JPT1: variants seen among roughly 807,000 people sequenced by gnomAD.
JPT1 encodes the protein androgen-regulated protein 2.
A neutral mutation model predicts 17.0 loss-of-function variants in JPT1; 5 were observed. The observed-to-expected ratio is 0.29, with a 90% CI of 0.15 to 0.62. JPT1 has a LOEUF of 0.62. Ranked by LOEUF, JPT1 falls within the 20% of genes least tolerant of loss-of-function variation. JPT1 has a pLI of 0.85. For synonymous variants in JPT1, 71 were observed against 73.6 expected (o/e 0.96, Z 0.18); for missense variants, 158 against 188.1 (o/e 0.84, Z 0.94).
At chr17:75,146,751 G>C in intron 3 of JPT1, 67 bp from the exon 4 acceptor site, 1 of 953,884 alleles carries the variant, frequency 1.0e-6, no homozygotes, top group East Asian at 2.6e-5. Context: ...AACAGTCATA[G>C]TTCATAGCAG....
At chr17:75,142,588 AG>A (rs2074337885) in intron 4 of JPT1, among the ~76,000 whole-genome samples, 1 of 40,442 alleles carries the variant, frequency 2.5e-5, no homozygotes. Context: ...AGGGAGGGAG[AG>A]GGAGGGAGGG....
chr17:75,154,486 C>G lies in JPT1; in HGVS notation c.-89G>C, dbSNP rs2074605598. ...CGCTGGGAAACTCCACACCCAACAG[C>G]CGACCACCGCTGCAGGAGCCGCCGC... On this transcript the variant is annotated 5_prime_UTR_variant, in exon 1 of 5. Coordinates refer to ENST00000409753, the MANE Select transcript of JPT1 (RefSeq NM_016185.4). 7 of 1,259,482 alleles carry G rather than the reference C, an allele frequency of 5.6e-6. No individual in the cohort carries two copies. In the Admixed American group the frequency reaches 1.1e-4, roughly 20 times the overall value. The allele number at this position is 1,259,482 out of a possible 1,614,324, so 78.0% of individuals were successfully genotyped here. A position where few individuals can be genotyped will look rare whatever the true frequency, so the allele number is the denominator to read the frequency against.
chr17:75,150,622 A>G (rs1418221728), intron 1 of JPT1, among the ~76,000 whole-genome samples: 1 of 152,084 alleles, frequency 6.6e-6, no homozygotes, highest in Non-Finnish European at 1.5e-5. Context: ...TCCTGACCTC[A>G]GGTGATCCGC....
intron 4 of JPT1, among the ~76,000 whole-genome samples, chr17:75,144,355 GAAA>G (rs918744179): frequency 6.6e-6 from 1 of 151,272 alleles, no homozygotes; most frequent in South Asian, 2.1e-4. Flanking sequence ...TACAAAAAAA[GAAA>G]AAAAATTAGC....
At chr17:75,144,065 A>C (rs1442502454) in intron 4 of JPT1, among the ~76,000 whole-genome samples, 1 of 152,048 alleles carries the variant, frequency 6.6e-6, no homozygotes, top group Non-Finnish European at 1.5e-5. Flanking sequence ...CTTCTGGATA[A>C]CTGAACATGT....
At chr17:75,142,132 T>C (rs1301599805) in intron 4 of JPT1, among the ~76,000 whole-genome samples, 1 of 152,182 alleles carries the variant, frequency 6.6e-6, no homozygotes, top group African/African-American at 2.4e-5. Flanking sequence ...GTGGTAGGAC[T>C]ATTGACACAT....
intron 1 of JPT1, chr17:75,149,200 T>A (rs1023539466): frequency 2.3e-5 from 10 of 438,306 alleles, no homozygotes; most frequent in Non-Finnish European, 3.9e-5. Flanking sequence ...AAAAAAAAAA[T>A]TAAAAATTAG....
intron 1 of JPT1, 77 bp from the exon 2 acceptor site, chr17:75,148,748 A>C: frequency 1.3e-6 from 2 of 1,536,720 alleles, no homozygotes; most frequent in South Asian, 2.4e-5. Context: ...GACAACTTTC[A>C]TTTCACTTTC....
Position 75,146,660 on chromosome 17 carries a change from A to G in JPT1, c.316+6T>C. On this transcript the variant is annotated splice_donor_region_variant and intron_variant, in intron 4 of 4. Transcript: ENST00000409753. ...AGCCAGAAATTTGGTCTTCAGAAGT[A>G]CTTACCATGAATATCACCTTCTCCC... 1.3e-6 allele frequency: 2 copies of G among 1,539,612 alleles called. No individual in the cohort carries two copies. The highest frequency in any genetic ancestry group is 2.4e-5 in the South Asian group (2 of 83,936).
chr17:75,144,624 G>T (rs976823329), intron 4 of JPT1, among the ~76,000 whole-genome samples: 1 of 152,120 alleles, frequency 6.6e-6, no homozygotes, highest in Non-Finnish European at 1.5e-5. Flanking sequence ...CCATAGAAGG[G>T]GTCACAGGAA....
chr17:75,149,862 T>TAC (rs58993126), intron 1 of JPT1, among the ~76,000 whole-genome samples: 92,630 of 147,456 alleles, frequency 0.63, 31,822 homozygotes, highest in East Asian at 0.89. Flanking sequence ...CTTACACACT[T>TAC]ACACACACAC....
chr17:75,151,465 G>C (rs1019498375), intron 1 of JPT1, among the ~76,000 whole-genome samples: 2 of 151,998 alleles, frequency 1.3e-5, no homozygotes, highest in Non-Finnish European at 2.9e-5. Context: ...AGACCATCCT[G>C]GCCAACATGG....
Position 75,135,735 on chromosome 17 carries a change from C to G in JPT1, c.*367G>C. On this transcript the variant is annotated 3_prime_UTR_variant, in exon 5 of 5. Transcript: ENST00000409753. ...GGGTTGGGGCCTGGCAGGAACGGTG[C>G]CTGTGGACTGTTTATGGTCTGTCCA... The G allele has an allele frequency of 3.4e-6, 1 of 296,376 alleles. No homozygotes were observed. Among genetic ancestry groups the G allele is most frequent in the Non-Finnish European group, 6.3e-6 (1 of 159,676 alleles). 18.4% of individuals were successfully genotyped at this position (296,376 alleles called of 1,614,324 possible).
intron 4 of JPT1, 87 bp downstream of exon 4, chr17:75,146,579 T>C (rs1171905925): frequency 4.7e-6 from 5 of 1,069,082 alleles, no homozygotes; most frequent in East Asian, 2.7e-5. Flanking sequence ...CCCCAGTCTC[T>C]TTCCCCAAGA....
chr17:75,135,905 T>C lies in JPT1; in HGVS notation c.*197A>G. 4.3e-6 allele frequency: 5 copies of C among 1,153,808 alleles called. No individual in the cohort carries two copies. The highest frequency in any genetic ancestry group is 6.1e-6 in the Non-Finnish European group (5 of 815,414). The allele number at this position is 1,153,808 out of a possible 1,614,324, so 71.5% of individuals were successfully genotyped here. A position where few individuals can be genotyped will look rare whatever the true frequency, so the allele number is the denominator to read the frequency against. On this transcript the variant is annotated 3_prime_UTR_variant, in exon 5 of 5. Transcript: ENST00000409753. ...CCTCCAATCTACTACTAGAAAACAC[T>C]CATGCCATGGCCCACAGACCCAAGA...
chr17:75,140,298 A>AGCCCTTTTTTTTT (rs2074283983), intron 4 of JPT1, among the ~76,000 whole-genome samples: 5 of 152,196 alleles, frequency 3.3e-5, no homozygotes, highest in African/African-American at 1.2e-4. Context: ...AGGGCTTTAA[A>AGCCCTTTTTTTTT]TGAAATTATT....
intron 4 of JPT1, among the ~76,000 whole-genome samples, chr17:75,145,086 C>T (rs901724544): frequency 1.4e-5 from 2 of 146,904 alleles, no homozygotes; most frequent in African/African-American, 2.5e-5. Flanking sequence ...AGTGCTTGAA[C>T]CCGGGAGGCA....
intron 4 of JPT1, among the ~76,000 whole-genome samples, chr17:75,140,564 C>T (rs1025929689): frequency 4.6e-5 from 7 of 152,158 alleles, no homozygotes; most frequent in Admixed American, 2.6e-4. Context: ...GCCATTCCTG[C>T]GTTTAATTGC....
intron 4 of JPT1, among the ~76,000 whole-genome samples, chr17:75,142,602 G>A (rs1374746227): frequency 9.5e-5 from 2 of 20,984 alleles, no homozygotes; most frequent in African/African-American, 1.7e-4. Context: ...AGGGAGGGAG[G>A]GGAAGGGGGA....
Sources: allele counts gnomAD v4.1 joint callset (sites outside exome capture counted in the v4.1 genomes callset), GRCh38; gene constraint gnomAD v4.1.1; transcripts MANE v1.5; gene names NCBI Gene and HGNC (gene_info 2026-07-23, HGNC 2026-07-21).